NALF1: variants seen among roughly 807,000 people sequenced by gnomAD.
NALF1 encodes family with sequence similarity 155 member A.
A neutral mutation model predicts 48.4 loss-of-function variants in NALF1; 3 were observed. That is an observed-to-expected ratio of 0.06 (90% CI 0.03 to 0.16). NALF1 has a LOEUF of 0.16. Ranked by LOEUF, NALF1 falls within the 10% of genes least tolerant of loss-of-function variation. NALF1 has a pLI of 1.00. For synonymous variants in NALF1, 262 were observed against 245.7 expected, an observed-to-expected ratio of 1.07 and a Z score of -0.62; for missense variants, 526 against 571.5, an observed-to-expected ratio of 0.92 and a Z score of 0.81.
chr13:107,796,724 C>T (rs892746558), intron 1 of NALF1, among the ~76,000 whole-genome samples: 1 of 152,104 alleles, frequency 6.6e-6, no homozygotes, highest in Non-Finnish European at 1.5e-5. Context: ...CCAACAGTCC[C>T]CATTCCAACT....
In NALF1 at chr13:107,720,113, G is replaced by A. The variant is rs146553842; in HGVS notation, c.915+145569C>T. On this transcript the variant is annotated intron_variant, in intron 1 of 2. Coordinates refer to ENST00000375915, the MANE Select transcript of NALF1 (RefSeq NM_001080396.3). ...ACTAGACAATACTTTATTCCATAGC[G>A]TTTTGGTGGCCTCCACCCTACGAAC... Among the ~76,000 whole-genome samples the A allele has an allele frequency of 5.3e-5, 8 of 152,246 alleles. No homozygotes were observed. The East Asian group carries it at 1.2e-3, about 22-fold the overall frequency.
intron 1 of NALF1, among the ~76,000 whole-genome samples, chr13:107,786,416 CAAAAAAAAAA>C (rs34857705): frequency 1.7e-4 from 5 of 29,714 alleles, no homozygotes; most frequent in African/African-American, 4.0e-4. Flanking sequence ...AACTCTTTCT[CAAAAAAAAAA>C]AAAAAAAAAA....
chr13:107,463,413 G>A (rs1416416019), intron 1 of NALF1, among the ~76,000 whole-genome samples: 1 of 152,168 alleles, frequency 6.6e-6, no homozygotes, highest in Non-Finnish European at 1.5e-5. Context: ...ATCTGGGAGA[G>A]GGTACAGAAT....
At chr13:107,846,736 A>G (rs974227735) in intron 1 of NALF1, among the ~76,000 whole-genome samples, 1 of 152,228 alleles carries the variant, frequency 6.6e-6, no homozygotes. Flanking sequence ...TTCTATTCAT[A>G]AAAGGCAGTT....
chr13:107,495,109 G>A (rs953145771), intron 1 of NALF1, among the ~76,000 whole-genome samples: 3 of 152,152 alleles, frequency 2.0e-5, no homozygotes, highest in Non-Finnish European at 4.4e-5. Context: ...ACTAAGTTAA[G>A]TCACATTTCC....
At chr13:107,791,787 C>T (rs1468227148) in intron 1 of NALF1, among the ~76,000 whole-genome samples, 21 of 151,834 alleles carry the variant, frequency 1.4e-4, no homozygotes, top group Non-Finnish European at 1.6e-4. Flanking sequence ...CCGCCCCCCC[C>T]CGTCTCTACT....
chr13:107,420,395 A>G, intron 1 of NALF1, among the ~76,000 whole-genome samples: 1 of 152,188 alleles, frequency 6.6e-6, no homozygotes. Flanking sequence ...AATAATAATT[A>G]TGTTAATTGT....
chr13:107,548,703 T>C (rs1375436152), intron 1 of NALF1, among the ~76,000 whole-genome samples: 2 of 152,042 alleles, frequency 1.3e-5, no homozygotes, highest in Admixed American at 6.6e-5. Context: ...CTTAGTTCCA[T>C]AGCAACCCAC....
chr13:107,618,540 C>T (rs1170426247), intron 1 of NALF1, among the ~76,000 whole-genome samples: 1 of 152,162 alleles, frequency 6.6e-6, no homozygotes, highest in East Asian at 1.9e-4. Flanking sequence ...AGACAGGAGA[C>T]CACTTTGAAA....
chr13:107,820,624 T>A (rs1285367482), intron 1 of NALF1, among the ~76,000 whole-genome samples: 1 of 152,120 alleles, frequency 6.6e-6, no homozygotes, highest in Non-Finnish European at 1.5e-5. Context: ...ATTGGGAGAG[T>A]TAATCTATTT....
chr13:107,850,433 T>C (rs948383592), intron 1 of NALF1, among the ~76,000 whole-genome samples: 3 of 152,238 alleles, frequency 2.0e-5, no homozygotes, highest in Admixed American at 1.3e-4. Context: ...CTTGTTTATA[T>C]TGGTTTCTAT....
Position 107,807,460 on chromosome 13 carries a change from A to G in NALF1, c.915+58222T>C, listed in dbSNP as rs895971142. ...AAAATTTTCAATGCTGATGAGCATTAGTTTTCAACAACAGGAAAAGTCATT... is the reference window on the plus strand; with the variant it reads ...AAAATTTTCAATGCTGATGAGCATTGGTTTTCAACAACAGGAAAAGTCATT... On this transcript the variant is annotated intron_variant, in intron 1 of 2. Transcript: ENST00000375915. Among the ~76,000 whole-genome samples the G allele has an allele frequency of 1.3e-4, 20 of 152,342 alleles. No individual in the cohort carries two copies. The Middle Eastern group carries it at 0.014, about 104-fold the overall frequency.
chr13:107,734,321 TA>T lies in NALF1; in HGVS notation c.915+131360del, dbSNP rs138599768. Among the ~76,000 whole-genome samples, 18 of 152,076 alleles carry T rather than the reference TA, an allele frequency of 1.2e-4. No homozygotes were observed. In the East Asian group the frequency reaches 3.5e-3, roughly 29 times the overall value. Reference sequence around the variant, plus strand: ...GTATTAGCCAATGAATTCTACAATGTAACTTTGGGAAAGGTCATCACTAGGG... The same window carrying T: ...GTATTAGCCAATGAATTCTACAATGTACTTTGGGAAAGGTCATCACTAGGG... On this transcript the variant is annotated intron_variant, in intron 1 of 2. Coordinates refer to ENST00000375915, the MANE Select transcript of NALF1 (RefSeq NM_001080396.3).
In NALF1 at chr13:107,271,420, G is replaced by C. The variant is rs574336392; in HGVS notation, c.916-60665C>G. 9.9e-5 allele frequency among the ~76,000 whole-genome samples: 15 copies of C among 152,254 alleles called. No individual in the cohort carries two copies. In the South Asian group the frequency reaches 1.0e-3, roughly 11 times the overall value. On this transcript the variant is annotated intron_variant, in intron 1 of 2. Coordinates refer to ENST00000375915, the MANE Select transcript of NALF1 (RefSeq NM_001080396.3). ...GGGAGGCCTCTGCAAACTGAGGGCA[G>C]CCCTCCACTGGCAGCCACAGGCAAA...
chr13:107,311,816 A>G (rs1294763845), intron 1 of NALF1, among the ~76,000 whole-genome samples: 1 of 152,218 alleles, frequency 6.6e-6, no homozygotes, highest in Non-Finnish European at 1.5e-5. Context: ...AAGACACTTG[A>G]AAAAATGCTC....
chr13:107,455,445 C>T (rs1414468107), intron 1 of NALF1, among the ~76,000 whole-genome samples: 2 of 152,130 alleles, frequency 1.3e-5, no homozygotes, highest in African/African-American at 2.4e-5. Context: ...TATCCTGTGA[C>T]CACACCCATG....
chr13:107,334,608 A>G (rs1226540967), intron 1 of NALF1, among the ~76,000 whole-genome samples: 1 of 152,220 alleles, frequency 6.6e-6, no homozygotes, highest in Non-Finnish European at 1.5e-5. Flanking sequence ...AGAATTTACA[A>G]AAAGTTTTTT....
At chr13:107,814,476 G>A (rs1034976325) in intron 1 of NALF1, among the ~76,000 whole-genome samples, 2 of 152,080 alleles carry the variant, frequency 1.3e-5, no homozygotes, top group East Asian at 3.9e-4. Flanking sequence ...AAAGTAAAAG[G>A]CTGGAGAAAG....
chr13:107,207,163 C>A (rs977096737), intron 2 of NALF1, among the ~76,000 whole-genome samples: 1 of 152,138 alleles, frequency 6.6e-6, no homozygotes, highest in Non-Finnish European at 1.5e-5. Context: ...AACCTACTCT[C>A]ATTTTTTTAT....
Sources: allele counts gnomAD v4.1 joint callset (sites outside exome capture counted in the v4.1 genomes callset), GRCh38; gene constraint gnomAD v4.1.1; transcripts MANE v1.5; gene names NCBI Gene and HGNC (gene_info 2026-07-23, HGNC 2026-07-21).